The following RPL13 variants were observed in gnomAD, a reference collection of about 807,000 sequenced individuals.
The protein encoded by RPL13 is large ribosomal subunit protein eL13.
A neutral mutation model predicts 21.4 loss-of-function variants in RPL13; 1 was observed. The observed-to-expected ratio is 0.05, with a 90% CI of 0.02 to 0.22. The LOEUF (loss-of-function observed/expected upper bound fraction) is 0.22, where lower values mean the gene tolerates loss of function less well. Ranked by LOEUF, RPL13 falls within the 10% of genes least tolerant of loss-of-function variation. RPL13 has a pLI of 1.00. For synonymous variants in RPL13, 143 were observed against 120.5 expected (o/e 1.19, Z -1.23); for missense variants, 289 against 303.0 (o/e 0.95, Z 0.34).
downstream of RPL13, chr16:89,566,336 T>TCGGGGATAGTCTCAGGAG (rs1488433199): frequency 5.3e-5 from 8 of 152,040 alleles, no homozygotes; most frequent in African/African-American, 9.6e-5. Flanking sequence ...GCCTCGGTGA[T>TCGGGGATAGTCTCAGGAG]GCACCGTTTC....
chr16:89,560,700 T>A lies in RPL13; in HGVS notation c.-33T>A. 2.4e-6 allele frequency: 1 copy of A among 418,010 alleles called. No individual in the cohort carries two copies. The highest frequency in any genetic ancestry group is 4.2e-6 in the Non-Finnish European group (1 of 235,374). The allele number at this position is 418,010 out of a possible 1,614,324, so 25.9% of individuals were successfully genotyped here. ...CCGCTTCCTTTCCGCTCGGCTGTTT[T>A]CCTGCGCAGGAGGTGAGGGAGACTG... On this transcript the variant is annotated 5_prime_UTR_variant, in exon 1 of 6. Transcript: ENST00000311528.
chr16:89,562,166 T>A lies in RPL13; in HGVS notation c.421-169T>A. ...GTCAACTCAGTAAGATATAGTCACC[T>A]AACTAATAAGGACTGTTCTTAACAT... On this transcript the variant is annotated intron_variant, in intron 4 of 5. Transcript: ENST00000311528. 7 of 668,488 alleles carry A rather than the reference T, an allele frequency of 1.0e-5. No homozygotes were observed. The South Asian group carries it at 1.2e-4, about 12-fold the overall frequency. 41.4% of individuals were successfully genotyped at this position (668,488 alleles called of 1,614,324 possible).
downstream of RPL13, chr16:89,566,666 G>GA (rs796358381): frequency 1.8e-3 from 257 of 140,804 alleles, no homozygotes; most frequent in Middle Eastern, 3.7e-3. Flanking sequence ...CCTATCTCAG[G>GA]AAAAAAAAAA....
rs566576516 is a variant in RPL13, at chr16:89,564,280, C to T, written c.*1238C>T. 5.9e-5 allele frequency: 9 copies of T among 152,218 alleles called. No homozygotes were observed. In the South Asian group the frequency reaches 6.2e-4, roughly 11 times the overall value. The allele number at this position is 152,218 out of a possible 1,614,324, so 9.4% of individuals were successfully genotyped here. On this transcript the variant is annotated 3_prime_UTR_variant, in exon 6 of 6. Coordinates refer to ENST00000311528, the MANE Select transcript of RPL13 (RefSeq NM_000977.4). Reference sequence around the variant, plus strand: ...TGCACTCACAGCCACACTTGATACACGATGACACCTTGCTTGTTTGGAAAC... The same window carrying T: ...TGCACTCACAGCCACACTTGATACATGATGACACCTTGCTTGTTTGGAAAC...
Position 89,561,494 on chromosome 16 carries a change from A to T in RPL13, c.247-84A>T, listed in dbSNP as rs375564801. The stretch of plus-strand genomic sequence containing the variant: ...TGAAAGCACATTTGAACCCTTTTCC[A>T]TCTGATTGCTGAGGCTTTTCATCCA... On this transcript the variant is annotated intron_variant, in intron 3 of 5. Transcript: ENST00000311528. The T allele has an allele frequency of 4.7e-4, 750 of 1,612,260 alleles. 1 individual carries two copies. Among genetic ancestry groups the T allele is most frequent in the Non-Finnish European group, 5.4e-4 (641 of 1,179,456 alleles).
intron 4 of RPL13, 146 bp from the exon 5 acceptor site, chr16:89,562,189 C>A: frequency 1.4e-6 from 1 of 735,028 alleles, no homozygotes; most frequent in East Asian, 2.7e-5. Context: ...CTGTTCTTAA[C>A]ATTGGGGCCA....
chr16:89,562,312 T>G (rs1385224290), intron 4 of RPL13, 23 bp from the exon 5 acceptor site: 1 of 1,612,982 alleles, frequency 6.2e-7, no homozygotes, highest in Non-Finnish European at 8.5e-7. Flanking sequence ...CAACCCCACT[T>G]AACTCTTCTC....
Position 89,563,023 on chromosome 16 carries a change from A to G in RPL13, c.617A>G (p.Asp206Gly). 7 of 1,533,832 alleles carry G rather than the reference A, an allele frequency of 4.6e-6. No individual in the cohort carries two copies. Among genetic ancestry groups the G allele is most frequent in the Non-Finnish European group, 6.1e-6 (7 of 1,140,234 alleles). Reference protein sequence around the residue: ...AKRAKEAAEQDVEKKK With the variant: ...AKRAKEAAEQGVEKKK Reference sequence around the variant, plus strand: ...AGAGCCAAGGAAGCCGCAGAACAGGATGTTGAAAAGAAAAAATAAAGCCCT... The same window carrying G: ...AGAGCCAAGGAAGCCGCAGAACAGGGTGTTGAAAAGAAAAAATAAAGCCCT... Residue 206 changes from aspartate (D) to glycine (G), a missense_variant, in exon 6 of 6, where the codon GAT (aspartate) becomes GGT (glycine). Transcript: ENST00000311528.
Position 89,562,571 on chromosome 16 carries a change from A to G in RPL13, c.477+180A>G, listed in dbSNP as rs547452641. ...TTTTACTTCTTGCAACCATGAAGCC[A>G]TACATTGGGAAGTATTTTTGTTTGT... On this transcript the variant is annotated intron_variant, in intron 5 of 5. Coordinates refer to ENST00000311528, the MANE Select transcript of RPL13 (RefSeq NM_000977.4). 1.3e-4 allele frequency: 80 copies of G among 610,124 alleles called. 1 individual carries two copies. In the African/African-American group the frequency reaches 1.4e-3, roughly 11 times the overall value. The allele number at this position is 610,124 out of a possible 1,614,324, so 37.8% of individuals were successfully genotyped here.
downstream of RPL13, chr16:89,566,015 G>T (rs12919536): frequency 0.12 from 17,964 of 152,318 alleles, 1,166 homozygotes; most frequent in Middle Eastern, 0.15. Flanking sequence ...ATTCCTTCGG[G>T]GTGTGAGCAT....
downstream of RPL13, chr16:89,565,283 GTGGGC>G (rs150318302): frequency 2.5e-4 from 37 of 146,028 alleles, no homozygotes; most frequent in East Asian, 5.3e-3. Context: ...GGTCATGGAT[GTGGGC>G]TGGGCTGGGC....
In RPL13 at chr16:89,564,529, T is replaced by C. The variant is rs755923102; in HGVS notation, c.*1487T>C. On this transcript the variant is annotated 3_prime_UTR_variant, in exon 6 of 6. Transcript: ENST00000311528. Reference sequence around the variant, plus strand: ...TCATCTCTACTGAAAATACAAAAATTAGCTGAGTGGTGACACACGCCTGTA... The same window carrying C: ...TCATCTCTACTGAAAATACAAAAATCAGCTGAGTGGTGACACACGCCTGTA... 20 of 151,744 alleles carry C rather than the reference T, an allele frequency of 1.3e-4. No homozygotes were observed. The highest frequency in any genetic ancestry group is 3.9e-4 in the African/African-American group (16 of 41,052). 9.4% of individuals were successfully genotyped at this position (151,744 alleles called of 1,614,324 possible).
chr16:89,565,257 T>C (rs17471624), downstream of RPL13: 19,415 of 151,182 alleles, frequency 0.13, 1,558 homozygotes, highest in Middle Eastern at 0.18. Context: ...CGCTGGGACA[T>C]TGTGAGTTTG....
intron 4 of RPL13, 84 bp from the exon 5 acceptor site, chr16:89,562,251 C>T (rs895955729): frequency 5.3e-6 from 7 of 1,332,014 alleles, no homozygotes; most frequent in Non-Finnish European, 7.5e-6. Context: ...ACGGAATCCC[C>T]AGGGGAAAGT....
At chr16:89,565,416 G>T (rs1459103972), downstream of RPL13, 1 of 152,284 alleles carries the variant, frequency 6.6e-6, no homozygotes. Flanking sequence ...GGCTGGGCAG[G>T]TGGGTGAGGC....
rs371077619 is a variant in RPL13, at chr16:89,562,367, C to G, written c.453C>G (p.Thr151=). The G allele has an allele frequency of 6.2e-7, 1 of 1,613,060 alleles. No homozygotes were observed. Among genetic ancestry groups the G allele is most frequent in the Non-Finnish European group, 8.5e-7 (1 of 1,179,858 alleles). The part of the protein sequence containing the change: ...AEELKLATQL[T]GPVMPVRNVY... ...AACTGAAACTGGCCACCCAGCTGACCGGACCGGTCATGCCCGTCCGGAACG... is the reference window on the plus strand; with the variant it reads ...AACTGAAACTGGCCACCCAGCTGACGGGACCGGTCATGCCCGTCCGGAACG... Residue 151 remains threonine, a synonymous_variant, in exon 5 of 6, where the codon ACC becomes ACG. Transcript: ENST00000311528.
In RPL13 at chr16:89,564,366, A is replaced by G. The variant is rs889103730; in HGVS notation, c.*1324A>G. ...GCTACCAGTTTCCTGTCTGAGGTGT[A>G]TATGTTAACTTCGTGATCAGTTTGT... On this transcript the variant is annotated 3_prime_UTR_variant, in exon 6 of 6. Transcript: ENST00000311528. The G allele has an allele frequency of 6.6e-6, 1 of 152,186 alleles. No homozygotes were observed. The highest frequency in any genetic ancestry group is 2.4e-5 in the African/African-American group (1 of 41,450). The allele number at this position is 152,186 out of a possible 1,614,324, so 9.4% of individuals were successfully genotyped here. A position where few individuals can be genotyped will look rare whatever the true frequency, so the allele number is the denominator to read the frequency against.
In RPL13 at chr16:89,561,579, T is replaced by G. The variant is rs1597674796; in HGVS notation, c.248T>G (p.Val83Gly). 2 of 1,613,294 alleles carry G rather than the reference T, an allele frequency of 1.2e-6. No homozygotes were observed. Among genetic ancestry groups the G allele is most frequent in the Non-Finnish European group, 1.7e-6 (2 of 1,180,010 alleles). ...CATCTCTCTCTGGTTCTGGGGCAGG[T>G]GGCCGGCATTCACAAGAAGGTGGCC... is the stretch of plus-strand genomic sequence containing the variant. ...GRGFSLEELRVAGIHKKVART... is the reference protein window; with the variant it reads ...GRGFSLEELRGAGIHKKVART... The change falls in exon 4 of 6, where the codon GTG becomes GGG. Residue 83 changes from valine to glycine, a missense_variant and splice_region_variant. Transcript: ENST00000311528.
chr16:89,565,565 G>T, downstream of RPL13: 1 of 137,364 alleles, frequency 7.3e-6, no homozygotes, highest in Non-Finnish European at 1.6e-5. Context: ...GGGACCGCCT[G>T]ATTCAGCACC....
Sources: allele counts gnomAD v4.1 joint callset, GRCh38; gene constraint gnomAD v4.1.1; transcripts MANE v1.5; gene names NCBI Gene and HGNC (gene_info 2026-07-23, HGNC 2026-07-21).